The following NIPBL variants were observed in gnomAD, a reference collection of about 807,000 sequenced individuals.
NIPBL encodes NIPBL cohesin loading factor.
In NIPBL, 19 loss-of-function variants were observed where a neutral mutation model predicts 321.8. That is an observed-to-expected ratio of 0.06 (90% CI 0.04 to 0.09). The LOEUF (loss-of-function observed/expected upper bound fraction) is 0.09. Among genes scored for constraint, NIPBL ranks in the 10% least tolerant of loss-of-function variants. NIPBL has a pLI of 1.00. For missense variants in NIPBL, 2,210 were observed against 3,327.0 expected (o/e 0.66, Z 8.26); for synonymous variants, 1,106 against 1,114.1 (o/e 0.99, Z 0.14).
intron 11 of NIPBL, chr5:36,997,054 C>T (rs1429107488): frequency 6.6e-6 from 1 of 152,080 alleles, no homozygotes; most frequent in Non-Finnish European, 1.5e-5. Flanking sequence ...TGTATTGACA[C>T]ACAGTATATT....
intron 16 of NIPBL, 41 bp downstream of exon 16, chr5:37,003,388 T>C: frequency 8.4e-7 from 1 of 1,186,474 alleles, no homozygotes; most frequent in Non-Finnish European, 1.3e-6. Context: ...CCCTTAATGT[T>C]ATTAAGATCT....
intron 10 of NIPBL, among the ~76,000 whole-genome samples, chr5:36,993,991 A>G (rs185873548): frequency 6.2e-4 from 95 of 152,278 alleles, no homozygotes; most frequent in African/African-American, 2.2e-3. Flanking sequence ...ATTTTCCATC[A>G]AAAAGACACA....
At chr5:36,936,245 T>G (rs1049887620) in intron 1 of NIPBL, among the ~76,000 whole-genome samples, 1 of 152,192 alleles carries the variant, frequency 6.6e-6, no homozygotes, top group Non-Finnish European at 1.5e-5. Flanking sequence ...ATACTGATTT[T>G]TGAGTATATA....
intron 6 of NIPBL, among the ~76,000 whole-genome samples, chr5:36,968,800 C>T (rs1389192950): frequency 6.6e-6 from 1 of 152,052 alleles, no homozygotes; most frequent in Non-Finnish European, 1.5e-5. Context: ...CCTATAATGA[C>T]ATTTATTTAG....
chr5:37,031,884 T>C (rs1399069435), intron 32 of NIPBL, among the ~76,000 whole-genome samples: 2 of 152,158 alleles, frequency 1.3e-5, no homozygotes, highest in African/African-American at 4.8e-5. Flanking sequence ...TATACAAAAT[T>C]CTAGGAGAGG....
At chr5:37,010,265 T>C (rs1368209981) in intron 21 of NIPBL, 40 bp downstream of exon 21, 6 of 1,413,946 alleles carry the variant, frequency 4.2e-6, no homozygotes, top group Middle Eastern at 1.9e-4. Context: ...GTACTTTTAT[T>C]GAAGGAAATA....
In NIPBL at chr5:36,955,600, C is replaced by G. The variant is rs925563626; in HGVS notation, c.193C>G (p.Leu65Val). Residue 65 changes from leucine (L) to valine (V), a missense_variant, in exon 3 of 47, where the codon CTT (leucine) becomes GTT (valine). By Grantham distance (32) the Leu-to-Val change is conservative (BLOSUM62 1). Transcript: ENST00000282516. The stretch of plus-strand genomic sequence containing the variant: ...TAGGGATGACAATTTGGTTTCACAG[C>G]TTGTCCATAGCCTCAACCAGGTATC... The part of the protein sequence containing the change: ...ACRDDNLVSQ[L>V]VHSLNQVSTD... 1 of 1,613,828 alleles carries G rather than the reference C, an allele frequency of 6.2e-7. No homozygotes were observed. The highest frequency in any genetic ancestry group is 1.7e-5 in the Admixed American group (1 of 60,010).
At chr5:37,031,800 C>A (rs886237005) in intron 32 of NIPBL, among the ~76,000 whole-genome samples, 1 of 152,076 alleles carries the variant, frequency 6.6e-6, no homozygotes, top group African/African-American at 2.4e-5. Flanking sequence ...CATACAGCAA[C>A]ATAGATAAAT....
At chr5:36,898,277 CA>C (rs1326314220) in intron 1 of NIPBL, among the ~76,000 whole-genome samples, 1 of 152,008 alleles carries the variant, frequency 6.6e-6, no homozygotes, top group Non-Finnish European at 1.5e-5. Context: ...TTGTTCTTAT[CA>C]GTGACCTTTA....
chr5:36,936,774 T>C (rs1187850679), intron 1 of NIPBL, among the ~76,000 whole-genome samples: 1 of 151,702 alleles, frequency 6.6e-6, no homozygotes, highest in East Asian at 1.9e-4. Context: ...ACAAGCAGAC[T>C]CCTCAAAGTT....
At chr5:37,030,494 T>G (rs1299201482) in intron 32 of NIPBL, among the ~76,000 whole-genome samples, 1 of 152,228 alleles carries the variant, frequency 6.6e-6, no homozygotes, top group Non-Finnish European at 1.5e-5. Flanking sequence ...TATTACAAAT[T>G]CTTGAGTCCA....
chr5:37,015,916 A>T, intron 22 of NIPBL, 122 bp from the exon 23 acceptor site: 1 of 835,414 alleles, frequency 1.2e-6, no homozygotes. Context: ...GTACATTTAT[A>T]TATTTTGTTA....
At chr5:36,899,786 A>G (rs1747063085) in intron 1 of NIPBL, among the ~76,000 whole-genome samples, 1 of 152,162 alleles carries the variant, frequency 6.6e-6, no homozygotes, top group Admixed American at 6.5e-5. Context: ...TCAGTCCTGT[A>G]TTGTATAGAG....
intron 1 of NIPBL, among the ~76,000 whole-genome samples, chr5:36,934,920 A>G (rs1750043867): frequency 6.6e-6 from 1 of 152,154 alleles, no homozygotes; most frequent in African/African-American, 2.4e-5. Flanking sequence ...AAACCAAAGA[A>G]TGAGTTACCA....
intron 1 of NIPBL, among the ~76,000 whole-genome samples, chr5:36,941,319 A>G (rs1739032895): frequency 6.6e-6 from 1 of 152,086 alleles, no homozygotes; most frequent in Non-Finnish European, 1.5e-5. Context: ...ATCTTTCTAT[A>G]TCCCTCTTTT....
intron 7 of NIPBL, chr5:36,971,626 A>G (rs1297250782): frequency 1.3e-5 from 2 of 155,386 alleles, no homozygotes; most frequent in Admixed American, 1.3e-4. Flanking sequence ...ACAGATGACA[A>G]TAAACTCTGC....
At chr5:36,995,585 T>C (rs1003208255) in intron 10 of NIPBL, 37 bp from the exon 11 acceptor site, 25 of 1,505,190 alleles carry the variant, frequency 1.7e-5, no homozygotes, top group Non-Finnish European at 2.3e-5. Context: ...TATCTTCAGA[T>C]TTACATTTTT....
chr5:36,955,196 TA>T (rs555793149), intron 2 of NIPBL, among the ~76,000 whole-genome samples: 248 of 152,342 alleles, frequency 1.6e-3, no homozygotes, highest in African/African-American at 5.5e-3. Flanking sequence ...CCTTTTTCGC[TA>T]GTCATTTGTT....
intron 43 of NIPBL, among the ~76,000 whole-genome samples, chr5:37,057,916 G>A (rs1754272482): frequency 6.6e-6 from 1 of 152,160 alleles, no homozygotes; most frequent in Admixed American, 6.5e-5. Flanking sequence ...TAAGCACTCA[G>A]TAAATTCTTT....
Sources: allele counts gnomAD v4.1 joint callset (sites outside exome capture counted in the v4.1 genomes callset), GRCh38; gene constraint gnomAD v4.1.1; transcripts MANE v1.5; gene names NCBI Gene and HGNC (gene_info 2026-07-23, HGNC 2026-07-21).